The following HDLBP variants were observed in gnomAD, a reference collection of about 807,000 sequenced individuals.
HDLBP encodes vigilin.
Under a neutral mutation model 137.3 loss-of-function variants are expected in HDLBP, and 30 were observed. The ratio of observed to expected loss-of-function variants is 0.22; its 90% CI spans 0.16 to 0.30. The LOEUF is 0.30. HDLBP is among the 10% of genes least tolerant of loss of function. The pLI is 1.00. For missense variants in HDLBP, 1,119 were observed against 1,667.3 expected (o/e 0.67, Z 5.73); for synonymous variants, 606 against 596.0 (o/e 1.02, Z -0.24).
At position 241,229,937 on chromosome 2, in the gene HDLBP, C is replaced by G. The variant is rs527489432; in HGVS notation, c.3616G>C (p.Ala1206Pro). 1.1e-5 allele frequency: 17 copies of G among 1,604,008 alleles called. No individual in the cohort carries two copies. The highest frequency in any genetic ancestry group is 1.4e-5 in the Non-Finnish European group (17 of 1,174,824). ...EYLADVVDSE[A>P]LQVYMKPPAH... ...GGGGGTTTCATGTATACCTGCAGCGCCTCACTGTCCACCACGTCAGCTAGC... is the reference window on the plus strand; with the variant it reads ...GGGGGTTTCATGTATACCTGCAGCGGCTCACTGTCCACCACGTCAGCTAGC... Residue 1206 changes from alanine (A) to proline (P), a missense_variant, in exon 27 of 28, where the codon GCG becomes CCG. Coordinates refer to ENST00000310931, the MANE Select transcript of HDLBP (RefSeq NM_005336.6).
At chr2:241,249,732 T>G (rs985227841) in intron 12 of HDLBP, 109 bp downstream of exon 12, 1 of 1,099,884 alleles carries the variant, frequency 9.1e-7, no homozygotes, top group African/African-American at 1.6e-5. Flanking sequence ...AACGTGGGAT[T>G]TGTCGACTTC....
intron 16 of HDLBP, among the ~76,000 whole-genome samples, chr2:241,244,347 A>G (rs1257150334): frequency 6.6e-6 from 1 of 152,248 alleles, no homozygotes; most frequent in Non-Finnish European, 1.5e-5. Context: ...CATATATTCA[A>G]GAAGCTCAAT....
At chr2:241,247,196 CA>C in intron 14 of HDLBP, 54 bp from the exon 15 acceptor site, 1 of 1,132,752 alleles carries the variant, frequency 8.8e-7, no homozygotes, top group Non-Finnish European at 1.3e-6. Context: ...GAGTAAAATA[CA>C]GTATCCCTTC....
chr2:241,309,987 A>C (rs1343810680), intron 1 of HDLBP, among the ~76,000 whole-genome samples: 1 of 152,202 alleles, frequency 6.6e-6, no homozygotes, highest in Non-Finnish European at 1.5e-5. Context: ...ACAGGCTCAG[A>C]GGCCCTCTGA....
chr2:241,264,893 T>A (rs370282958), intron 3 of HDLBP, among the ~76,000 whole-genome samples: 2 of 152,114 alleles, frequency 1.3e-5, no homozygotes, highest in African/African-American at 2.4e-5. Context: ...AGCTCAGACA[T>A]TGTGAGCCCC....
At chr2:241,293,158 T>A (rs1050395934) in intron 1 of HDLBP, among the ~76,000 whole-genome samples, 1 of 143,846 alleles carries the variant, frequency 7.0e-6, no homozygotes, top group Non-Finnish European at 1.5e-5. Context: ...CAAGTCAAGA[T>A]GTAAAGTGAA....
intron 5 of HDLBP, 47 bp downstream of exon 5, chr2:241,262,664 G>C (rs1455537417): frequency 2.1e-6 from 3 of 1,436,754 alleles, no homozygotes; most frequent in Non-Finnish European, 2.9e-6. Flanking sequence ...CCGGGTAATG[G>C]AACGGGTACA....
intron 3 of HDLBP, among the ~76,000 whole-genome samples, chr2:241,265,132 G>A (rs867373538): frequency 6.6e-6 from 1 of 152,182 alleles, no homozygotes; most frequent in Non-Finnish European, 1.5e-5. Context: ...AATGATTGCC[G>A]TGGAGGCCGG....
intron 23 of HDLBP, 99 bp downstream of exon 23, chr2:241,235,022 C>T: frequency 6.9e-7 from 1 of 1,440,860 alleles, no homozygotes; most frequent in South Asian, 1.3e-5. Context: ...CCAGATGTCG[C>T]TGGGATGCTG....
intron 23 of HDLBP, 41 bp from the exon 24 acceptor site, chr2:241,234,004 G>C (rs1396741750): frequency 6.2e-7 from 1 of 1,611,098 alleles, no homozygotes; most frequent in Non-Finnish European, 8.5e-7. Flanking sequence ...AGATTGAGCT[G>C]ATCCACCCTG....
At chr2:241,232,396 C>A (rs1313871106) in intron 24 of HDLBP, among the ~76,000 whole-genome samples, 2 of 152,004 alleles carry the variant, frequency 1.3e-5, no homozygotes, top group Non-Finnish European at 2.9e-5. Flanking sequence ...ACGTCTCAGT[C>A]TCCCGAGTAG....
At chr2:241,311,124 AC>A (rs1463809827) in intron 1 of HDLBP, among the ~76,000 whole-genome samples, 4 of 152,120 alleles carry the variant, frequency 2.6e-5, no homozygotes, top group Non-Finnish European at 5.9e-5. Flanking sequence ...TCAAAAAAAA[AC>A]AAAAGAAAGA....
intron 1 of HDLBP, chr2:241,279,968 C>T (rs747595337): frequency 2.3e-5 from 23 of 985,266 alleles, no homozygotes; most frequent in Non-Finnish European, 2.7e-5. Context: ...TGCAGTGGAG[C>T]CATGCTGAAG....
At chr2:241,267,783 T>C (rs1189452276) in intron 2 of HDLBP, 5 of 1,491,084 alleles carry the variant, frequency 3.4e-6, no homozygotes, top group African/African-American at 2.8e-5. Flanking sequence ...TAAATGCCCT[T>C]GATCCACACT....
In HDLBP at chr2:241,312,422, T is replaced by C. The variant is rs149986452; in HGVS notation, c.-103+3148A>G. ...AACATGTAACCAAGTTTTAAAATAT[T>C]ATACACATGAAAAAAGGTTCTTTTC... is the stretch of plus-strand genomic sequence containing the variant. On this transcript the variant is annotated intron_variant, in intron 1 of 27. Transcript: ENST00000310931. Among the ~76,000 whole-genome samples the C allele has an allele frequency of 9.8e-4, 150 of 152,332 alleles. 1 individual carries two copies. The highest frequency in any genetic ancestry group is 3.5e-3 in the African/African-American group (146 of 41,584).
In HDLBP at chr2:241,297,940, G is replaced by A. The variant is rs1197105455; in HGVS notation, c.-103+17630C>T. On this transcript the variant is annotated intron_variant, in intron 1 of 27. Coordinates refer to ENST00000310931, the MANE Select transcript of HDLBP (RefSeq NM_005336.6). ...GCACACATCTGCAGTCCCAGCTACCGGGGAGGCTGAGGCGGGAGAATCACT... is the reference window on the plus strand; with the variant it reads ...GCACACATCTGCAGTCCCAGCTACCAGGGAGGCTGAGGCGGGAGAATCACT... Among the ~76,000 whole-genome samples the A allele has an allele frequency of 2.7e-5, 4 of 149,612 alleles. No individual in the cohort carries two copies. The South Asian group carries it at 6.4e-4, about 24-fold the overall frequency.
At chr2:241,287,128 T>C (rs898849315) in intron 1 of HDLBP, among the ~76,000 whole-genome samples, 1 of 152,302 alleles carries the variant, frequency 6.6e-6, no homozygotes, top group East Asian at 1.9e-4. Flanking sequence ...GTTGTTGTTT[T>C]GAGACAGAGT....
chr2:241,272,652 C>T lies in HDLBP; in HGVS notation c.-102-4111G>A, dbSNP rs1385780512. The T allele has an allele frequency of 1.4e-5, 13 of 940,822 alleles. No individual in the cohort carries two copies. The highest frequency in any genetic ancestry group is 1.8e-5 in the African/African-American group (1 of 55,636). 58.3% of individuals were successfully genotyped at this position (940,822 alleles called of 1,614,324 possible). A position where few individuals can be genotyped will look rare whatever the true frequency, so the allele number is the denominator to read the frequency against. On this transcript the variant is annotated intron_variant, in intron 1 of 27. Coordinates refer to ENST00000310931, the MANE Select transcript of HDLBP (RefSeq NM_005336.6). This position sits in a 1 kb window ranked among gnomAD's most constrained non-coding sequence, Gnocchi z 5.6. Reference sequence around the variant, plus strand: ...GGGGCCGCGGCACCCGGGCCCCTCCCCCTCCGCGGCCTCCACGTCAGCAGC... The same window carrying T: ...GGGGCCGCGGCACCCGGGCCCCTCCTCCTCCGCGGCCTCCACGTCAGCAGC...
chr2:241,259,847 C>T (rs1324349658), intron 5 of HDLBP, among the ~76,000 whole-genome samples: 2 of 152,152 alleles, frequency 1.3e-5, no homozygotes, highest in African/African-American at 2.4e-5. Flanking sequence ...AACCTAGTTG[C>T]GACGTGCACC....
Sources: gnomAD v4.1 joint callset for allele counts (sites outside exome capture counted in the v4.1 genomes callset) on GRCh38, gnomAD v4.1.1 for gene constraint, Gnocchi (gnomAD v3.1) non-coding constraint, MANE v1.5 for transcripts, NCBI Gene and HGNC (gene_info 2026-07-23, HGNC 2026-07-21) for gene names.